FBXL7: variants seen among roughly 807,000 people sequenced by gnomAD.
FBXL7 encodes F-box and leucine rich repeat protein 7, also known as F-box/LRR-repeat protein 7.
A neutral mutation model predicts 38.3 loss-of-function variants in FBXL7; 12 were observed. The ratio of observed to expected loss-of-function variants is 0.31; its 90% CI spans 0.20 to 0.51. The LOEUF is 0.51. Among genes scored for constraint, FBXL7 ranks in the 20% least tolerant of loss-of-function variants. FBXL7 has a pLI of 0.98. For missense variants in FBXL7, 567 were observed against 676.4 expected (o/e 0.84, Z 1.79); for synonymous variants, 297 against 300.9 (o/e 0.99, Z 0.13).
At chr5:15,806,101 TGAA>T (rs1298273791) in intron 2 of FBXL7, among the ~76,000 whole-genome samples, 1 of 152,176 alleles carries the variant, frequency 6.6e-6, no homozygotes, top group African/African-American at 2.4e-5. Context: ...TAAATAAGAC[TGAA>T]GAAGGACAAA....
chr5:15,631,250 T>G (rs552638724), intron 2 of FBXL7, among the ~76,000 whole-genome samples: 1 of 152,380 alleles, frequency 6.6e-6, no homozygotes, highest in African/African-American at 2.4e-5. Context: ...TATATATGTA[T>G]GACATTATAT....
intron 2 of FBXL7, among the ~76,000 whole-genome samples, chr5:15,779,507 G>A (rs1196078982): frequency 6.6e-6 from 1 of 151,922 alleles, no homozygotes; most frequent in South Asian, 2.1e-4. Context: ...ATCAAAAAAA[G>A]AAATGGAAAA....
At chr5:15,505,024 G>C (rs958530544) in intron 1 of FBXL7, among the ~76,000 whole-genome samples, 1 of 152,220 alleles carries the variant, frequency 6.6e-6, no homozygotes, top group African/African-American at 2.4e-5. Flanking sequence ...TAACTCTGCT[G>C]CTCTACCAAG....
intron 2 of FBXL7, among the ~76,000 whole-genome samples, chr5:15,927,588 A>G (rs1164949865): frequency 6.6e-6 from 1 of 152,010 alleles, no homozygotes; most frequent in East Asian, 1.9e-4. Context: ...ACTGGCCAAC[A>G]TGGTAAAACC....
chr5:15,819,587 C>T (rs1333437366), intron 2 of FBXL7, among the ~76,000 whole-genome samples: 1 of 152,052 alleles, frequency 6.6e-6, no homozygotes, highest in African/African-American at 2.4e-5. Context: ...AAACAAAGGG[C>T]AAAGGAGGGG....
chr5:15,609,308 G>A (rs774510462), intron 1 of FBXL7, among the ~76,000 whole-genome samples: 1 of 152,164 alleles, frequency 6.6e-6, no homozygotes, highest in African/African-American at 2.4e-5. Context: ...TGAGGCACAG[G>A]TTCAACCCCC....
chr5:15,814,282 A>G (rs913779712), intron 2 of FBXL7, among the ~76,000 whole-genome samples: 3 of 152,176 alleles, frequency 2.0e-5, no homozygotes, highest in African/African-American at 4.8e-5. Flanking sequence ...TCGCAGGGAC[A>G]TGGATGAAGC....
At chr5:15,684,624 T>A in intron 2 of FBXL7, among the ~76,000 whole-genome samples, 1 of 152,200 alleles carries the variant, frequency 6.6e-6, no homozygotes, top group East Asian at 1.9e-4. Context: ...TCCAGTGTAA[T>A]CACTGGTGTC....
chr5:15,738,256 G>A (rs541194860), intron 2 of FBXL7, among the ~76,000 whole-genome samples: 2 of 152,284 alleles, frequency 1.3e-5, no homozygotes, highest in African/African-American at 4.8e-5. Flanking sequence ...AGGGTAATAT[G>A]AGAAGTGCTT....
rs140567975 is a variant in FBXL7, at chr5:15,927,066, C to G, written c.128-824C>G. On this transcript the variant is annotated intron_variant, in intron 2 of 3. Transcript: ENST00000504595. ...ATGAAACTTTGAAGTTGTGCCCTAC[C>G]GTAATCCCCGTTCATGTAGACTGGA... Among the ~76,000 whole-genome samples the G allele has an allele frequency of 2.8e-3, 421 of 151,926 alleles. 3 individuals carry two copies. The highest frequency in any genetic ancestry group is 9.6e-3 in the African/African-American group (396 of 41,422).
At chr5:15,892,519 G>A (rs1310294166) in intron 2 of FBXL7, among the ~76,000 whole-genome samples, 2 of 152,162 alleles carry the variant, frequency 1.3e-5, no homozygotes, top group Non-Finnish European at 2.9e-5. Context: ...GAAATAAGGT[G>A]GTAGCAGCAG....
chr5:15,518,221 C>T (rs1050228033), intron 1 of FBXL7, among the ~76,000 whole-genome samples: 5 of 152,100 alleles, frequency 3.3e-5, no homozygotes, highest in African/African-American at 1.2e-4. Context: ...GAACTCTTGA[C>T]CTCAAGTGAT....
intron 2 of FBXL7, among the ~76,000 whole-genome samples, chr5:15,870,883 C>G (rs1300990094): frequency 6.6e-6 from 1 of 152,204 alleles, no homozygotes; most frequent in Non-Finnish European, 1.5e-5. Flanking sequence ...GTGGGCACAG[C>G]TTCAGCAGAC....
At chr5:15,875,438 A>G (rs188515305) in intron 2 of FBXL7, among the ~76,000 whole-genome samples, 47 of 152,356 alleles carry the variant, frequency 3.1e-4, no homozygotes, top group Non-Finnish European at 5.7e-4. Context: ...CTGCACAGGA[A>G]AAGAAACTAT....
chr5:15,663,499 C>T (rs1480727037), intron 2 of FBXL7, among the ~76,000 whole-genome samples: 3 of 152,116 alleles, frequency 2.0e-5, no homozygotes, highest in Admixed American at 6.5e-5. Flanking sequence ...TATATTCCTT[C>T]GATGCCTCAT....
intron 2 of FBXL7, among the ~76,000 whole-genome samples, chr5:15,906,297 C>G (rs1322928438): frequency 6.6e-6 from 1 of 151,816 alleles, no homozygotes; most frequent in East Asian, 1.9e-4. Context: ...GAAATACAGC[C>G]TATAAATATA....
chr5:15,682,379 T>A (rs1416594080), intron 2 of FBXL7, among the ~76,000 whole-genome samples: 7 of 152,148 alleles, frequency 4.6e-5, no homozygotes, highest in Non-Finnish European at 7.4e-5. Flanking sequence ...CCTTAGGGTG[T>A]ATCCAGGAGG....
intron 1 of FBXL7, among the ~76,000 whole-genome samples, chr5:15,532,142 A>G (rs910235694): frequency 6.6e-6 from 1 of 152,216 alleles, no homozygotes; most frequent in African/African-American, 2.4e-5. Context: ...GTGCCTGAAT[A>G]TATTTTTACT....
Position 15,937,193 on chromosome 5 carries a change from A to G in FBXL7, c.*7A>G, listed in dbSNP as rs1010803772. 2 of 1,576,362 alleles carry G rather than the reference A, an allele frequency of 1.3e-6. No individual in the cohort carries two copies. The highest frequency in any genetic ancestry group is 1.7e-6 in the Non-Finnish European group (2 of 1,159,266). ...CAACCCGGCTTTCTTCTGAAGGGACAGAGTTCATCCGGCGTTGTATTCACA... is the reference window on the plus strand; with the variant it reads ...CAACCCGGCTTTCTTCTGAAGGGACGGAGTTCATCCGGCGTTGTATTCACA... On this transcript the variant is annotated 3_prime_UTR_variant, in exon 4 of 4. Transcript: ENST00000504595.
Sources: allele counts gnomAD v4.1 joint callset (sites outside exome capture counted in the v4.1 genomes callset), GRCh38; gene constraint gnomAD v4.1.1; transcripts MANE v1.5; gene names NCBI Gene and HGNC (gene_info 2026-07-23, HGNC 2026-07-21).